The following RNASE9 variants were observed in gnomAD, a reference collection of about 807,000 sequenced individuals.
The protein encoded by RNASE9 is ribonuclease A family member 9 (inactive), also known as inactive ribonuclease-like protein 9.
For synonymous variants in RNASE9, 95 were observed against 87.6 expected, an observed-to-expected ratio of 1.08 and a Z score of -0.47; for missense variants, 263 against 247.1, an observed-to-expected ratio of 1.06 and a Z score of -0.43.
exon 3 of RNASE9, chr14:20,556,953 A>G (rs1482981081): frequency 3.1e-6 from 5 of 1,613,988 alleles, no homozygotes; most frequent in Admixed American, 3.3e-5. Flanking sequence ...CTTCTTTTTT[A>G]TCTTCTTCTG....
exon 3 of RNASE9, chr14:20,558,137 C>T (rs539943844): frequency 4.5e-5 from 13 of 287,414 alleles, no homozygotes; most frequent in South Asian, 3.2e-4. Context: ...CCATGAAGAA[C>T]CAATTATTTA....
chr14:20,558,418 G>A, exon 3 of RNASE9: 3 of 726,500 alleles, frequency 4.1e-6, no homozygotes, highest in Non-Finnish European at 7.6e-6. Context: ...TAGGAGTGCA[G>A]AGAATGGGAA....
At chr14:20,558,461 G>T in exon 3 of RNASE9, 1 of 985,028 alleles carries the variant, frequency 1.0e-6, no homozygotes, top group Non-Finnish European at 1.6e-6. Context: ...ATGGCGATGT[G>T]AGAATGGGCA....
Position 20,557,264 on chromosome 14 carries a change from C to G in RNASE9, c.-195G>C. On this transcript the variant is annotated 5_prime_UTR_variant, in exon 3 of 3. Transcript: ENST00000555230. ...TATTGACAAAAATGACCTTACTAGG[C>G]CTACAGTCAGTCTAGAGCTGTGGTA... The G allele has an allele frequency of 5.1e-6, 3 of 590,302 alleles. No homozygotes were observed. In the Admixed American group the frequency reaches 9.5e-5, roughly 19 times the overall value. 36.6% of individuals were successfully genotyped at this position (590,302 alleles called of 1,614,324 possible). A position where few individuals can be genotyped will look rare whatever the true frequency, so the allele number is the denominator to read the frequency against.
At chr14:20,557,242 T>G in exon 3 of RNASE9, 1 of 653,182 alleles carries the variant, frequency 1.5e-6, no homozygotes, top group Non-Finnish European at 2.5e-6. Flanking sequence ...TCTAAATTAT[T>G]GACAAAAATG....
At chr14:20,556,859 T>C in exon 3 of RNASE9, 1 of 1,614,218 alleles carries the variant, frequency 6.2e-7, no homozygotes, top group Non-Finnish European at 8.5e-7. Flanking sequence ...CCAGGTTCAA[T>C]AAGGACACGT....
At chr14:20,556,704 T>C in exon 3 of RNASE9, 1 of 1,613,962 alleles carries the variant, frequency 6.2e-7, no homozygotes, top group South Asian at 1.1e-5. Flanking sequence ...CATTCTTACA[T>C]GGCACAAATC....
intron 1 of RNASE9, chr14:20,560,444 C>G (rs1371599335): frequency 6.6e-6 from 1 of 151,170 alleles, no homozygotes; most frequent in African/African-American, 2.4e-5. Context: ...TGATACTTTT[C>G]TCTAGCATTT....
chr14:20,559,322 T>G (rs1883853241), intron 2 of RNASE9, among the ~76,000 whole-genome samples: 1 of 152,080 alleles, frequency 6.6e-6, no homozygotes, highest in African/African-American at 2.4e-5. Context: ...TATTCAAATG[T>G]TCACTGCGGA....
exon 3 of RNASE9, chr14:20,556,849 C>G: frequency 1.9e-6 from 3 of 1,614,174 alleles, no homozygotes; most frequent in Non-Finnish European, 2.5e-6. Context: ...TAGTGGCATT[C>G]CAGGTTCAAT....
exon 3 of RNASE9, chr14:20,556,482 A>G (rs1340523881): frequency 6.2e-7 from 1 of 1,612,550 alleles, no homozygotes; most frequent in Non-Finnish European, 8.5e-7. Flanking sequence ...CACCATCCTC[A>G]CTGAGGAAAC....
chr14:20,556,776 CCA>C lies in RNASE9; in HGVS notation c.292_293del (p.Trp98GlyfsTer12). 1 of 1,613,732 alleles carries C rather than the reference CCA, an allele frequency of 6.2e-7. No individual in the cohort carries two copies. The highest frequency in any genetic ancestry group is 1.1e-5 in the South Asian group (1 of 91,048). ...TAAGAAGGAAGTAATGTTCTGCCAC[CCA>C]ACGGTGTTTGTAGTAAACATTTTTT... is the stretch of plus-strand genomic sequence containing the variant. On this transcript the variant is annotated frameshift_variant, in exon 3 of 3. Transcript: ENST00000555230. LOFTEE classifies it low-confidence loss of function (END_TRUNC).
At chr14:20,558,670 T>C in intron 2 of RNASE9, 3 of 1,314,238 alleles carry the variant, frequency 2.3e-6, no homozygotes, top group Non-Finnish European at 3.2e-6. Context: ...ACATGGACAG[T>C]ACACGTGTGA....
At chr14:20,559,319 A>G (rs1031482836) in intron 2 of RNASE9, among the ~76,000 whole-genome samples, 2 of 152,122 alleles carry the variant, frequency 1.3e-5, no homozygotes, top group African/African-American at 4.8e-5. Context: ...TCTTATTCAA[A>G]TGTTCACTGC....
exon 3 of RNASE9, chr14:20,558,205 C>G: frequency 4.9e-6 from 2 of 411,022 alleles, no homozygotes; most frequent in Non-Finnish European, 8.9e-6. Context: ...TAAAAGAAGT[C>G]CTACTTGGTG....
exon 3 of RNASE9, chr14:20,558,012 C>G (rs1315483974): frequency 6.0e-6 from 1 of 167,618 alleles, no homozygotes; most frequent in Non-Finnish European, 1.3e-5. Flanking sequence ...GGTTTCCCTT[C>G]TTAAGGCTAG....
exon 3 of RNASE9, chr14:20,556,579 A>T (rs1227005720): frequency 6.2e-7 from 1 of 1,613,926 alleles, no homozygotes; most frequent in South Asian, 1.1e-5. Context: ...AGTGATAAGG[A>T]CGTAGCCCTT....
At chr14:20,558,083 C>T (rs535742815) in exon 3 of RNASE9, 35 of 237,046 alleles carry the variant, frequency 1.5e-4, no homozygotes, top group African/African-American at 5.8e-4. Flanking sequence ...AGTGCTAAAA[C>T]GGAATTTGAG....
In RNASE9 at chr14:20,556,877, CT is replaced by C; in HGVS notation, c.192del (p.Val65SerfsTer13). The C allele has an allele frequency of 5.0e-6, 8 of 1,614,156 alleles. No homozygotes were observed. The highest frequency in any genetic ancestry group is 5.9e-6 in the Non-Finnish European group (7 of 1,180,000). On this transcript the variant is annotated frameshift_variant, in exon 3 of 3. Transcript: ENST00000555230. LOFTEE classifies it low-confidence loss of function (END_TRUNC). ...GGTTCAATAAGGACACGTCTTTTGA[CT>C]TTTTCTTTGGTAGGTGGTCTGGCGG...
Sources: gnomAD v4.1 joint callset for allele counts (sites outside exome capture counted in the v4.1 genomes callset) on GRCh38, gnomAD v4.1.1 for gene constraint, MANE v1.5 for transcripts, NCBI Gene and HGNC (gene_info 2026-07-23, HGNC 2026-07-21) for gene names.